EPM2A: variants seen among roughly 807,000 people sequenced by gnomAD.
EPM2A encodes laforin.
EPM2A carries 21 observed loss-of-function variants against 26.5 expected under a neutral mutation model. That is an observed-to-expected ratio of 0.79 (90% CI 0.56 to 1.14). EPM2A has a LOEUF of 1.14. EPM2A is among the 50% of genes most tolerant of loss of function. The probability of loss-of-function intolerance (pLI) is 0.00; values close to 1 mark genes in which losing one functional copy is unlikely to be tolerated. For synonymous variants in EPM2A, 217 were observed against 177.6 expected (o/e 1.22, Z -1.76); for missense variants, 458 against 440.8 (o/e 1.04, Z -0.35).
chr6:145,713,808 T>C (rs1474900742), intron 1 of EPM2A, among the ~76,000 whole-genome samples: 1 of 152,208 alleles, frequency 6.6e-6, no homozygotes, highest in Non-Finnish European at 1.5e-5. Context: ...GCACCATTAT[T>C]TTAAAAGTGA....
chr6:145,487,616 T>C (rs1481326547), intron 4 of EPM2A, among the ~76,000 whole-genome samples: 1 of 152,238 alleles, frequency 6.6e-6, no homozygotes, highest in Non-Finnish European at 1.5e-5. Context: ...TCTTTTAATA[T>C]GCTTCTTGGT....
chr6:145,408,566 T>C (rs925945012), intron 4 of EPM2A, among the ~76,000 whole-genome samples: 30 of 152,158 alleles, frequency 2.0e-4, no homozygotes, highest in African/African-American at 5.8e-4. Flanking sequence ...TTCTCCTCAA[T>C]GACCCACTTA....
intron 2 of EPM2A, among the ~76,000 whole-genome samples, chr6:145,544,239 T>C (rs1780552535): frequency 6.6e-6 from 1 of 152,170 alleles, no homozygotes; most frequent in African/African-American, 2.4e-5. Context: ...TGCTCACAGA[T>C]TGCTAAGCCG....
At chr6:145,571,223 G>A (rs1019985200) in intron 2 of EPM2A, among the ~76,000 whole-genome samples, 2 of 152,084 alleles carry the variant, frequency 1.3e-5, no homozygotes, top group African/African-American at 4.8e-5. Context: ...GAGCATACAC[G>A]GCCTCCTGGA....
intron 4 of EPM2A, among the ~76,000 whole-genome samples, chr6:145,473,056 A>G (rs1011940157): frequency 6.6e-6 from 1 of 152,124 alleles, no homozygotes; most frequent in African/African-American, 2.4e-5. Flanking sequence ...AATGAACCAA[A>G]TAAGCACAAG....
intron 1 of EPM2A, among the ~76,000 whole-genome samples, chr6:145,725,686 T>G (rs966300256): frequency 1.3e-5 from 2 of 152,076 alleles, no homozygotes; most frequent in Non-Finnish European, 2.9e-5. Context: ...CACTGTACGA[T>G]TCTAATTATT....
At chr6:145,530,316 T>C (rs1468305951) in intron 2 of EPM2A, among the ~76,000 whole-genome samples, 1 of 152,198 alleles carries the variant, frequency 6.6e-6, no homozygotes, top group Non-Finnish European at 1.5e-5. Context: ...GATGAGAGGG[T>C]AATTGAATTT....
At chr6:145,413,136 T>A (rs1017081686) in intron 4 of EPM2A, among the ~76,000 whole-genome samples, 2 of 152,204 alleles carry the variant, frequency 1.3e-5, no homozygotes, top group African/African-American at 4.8e-5. Context: ...GGAAAAACAA[T>A]TTTCATTTTG....
intron 2 of EPM2A, among the ~76,000 whole-genome samples, chr6:145,551,011 G>A (rs12526956): frequency 0.081 from 12,271 of 151,980 alleles, 580 homozygotes; most frequent in East Asian, 0.17. Context: ...ACTGTACAGC[G>A]AATAAGGTCT....
intron 2 of EPM2A, among the ~76,000 whole-genome samples, chr6:145,654,867 G>T (rs1262716863): frequency 7.2e-5 from 11 of 152,038 alleles, no homozygotes; most frequent in African/African-American, 2.7e-4. Flanking sequence ...TGTGTTTCTA[G>T]ATTCTCTTAC....
chr6:145,410,480 T>C (rs1219774297), intron 4 of EPM2A, among the ~76,000 whole-genome samples: 3 of 152,162 alleles, frequency 2.0e-5, no homozygotes, highest in Admixed American at 1.3e-4. Flanking sequence ...TGTAAGACAA[T>C]TAAAATAAGG....
At chr6:145,648,881 T>C (rs1582964349) in intron 2 of EPM2A, among the ~76,000 whole-genome samples, 2 of 152,358 alleles carry the variant, frequency 1.3e-5, no homozygotes, top group African/African-American at 4.8e-5. Flanking sequence ...TGTATTTATT[T>C]ACCTCATTGA....
At chr6:145,724,180 C>G (rs1776084043) in intron 1 of EPM2A, among the ~76,000 whole-genome samples, 1 of 152,022 alleles carries the variant, frequency 6.6e-6, no homozygotes, top group African/African-American at 2.4e-5. Flanking sequence ...CCACAAGTAA[C>G]TTAACTGTCA....
At chr6:145,405,366 G>A (rs182043706) in intron 4 of EPM2A, among the ~76,000 whole-genome samples, 3 of 152,050 alleles carry the variant, frequency 2.0e-5, no homozygotes, top group East Asian at 1.9e-4. Context: ...TGTGGCTGCC[G>A]GTTACGTCAT....
intron 4 of EPM2A, chr6:145,490,096 A>C: frequency 1.6e-6 from 2 of 1,255,776 alleles, no homozygotes; most frequent in African/African-American, 1.5e-5. Flanking sequence ...GCACCTTCCC[A>C]ATTTGTTATA....
chr6:145,656,441 T>C (rs1353113378), intron 2 of EPM2A, among the ~76,000 whole-genome samples: 1 of 152,200 alleles, frequency 6.6e-6, no homozygotes, highest in Non-Finnish European at 1.5e-5. Flanking sequence ...TAGACCCTAG[T>C]GGGCCCTGAA....
intron 1 of EPM2A, among the ~76,000 whole-genome samples, chr6:145,711,611 T>G (rs1468200288): frequency 1.3e-5 from 2 of 152,108 alleles, no homozygotes; most frequent in African/African-American, 4.8e-5. Flanking sequence ...AATGATGTCA[T>G]GAAAGAGCTC....
chr6:145,428,560 A>G (rs1248081691), intron 4 of EPM2A, among the ~76,000 whole-genome samples: 1 of 152,238 alleles, frequency 6.6e-6, no homozygotes, highest in African/African-American at 2.4e-5. Flanking sequence ...AAAAGGATAC[A>G]ATTATCCATA....
chr6:145,502,014 C>T (rs1050416212), intron 3 of EPM2A, among the ~76,000 whole-genome samples: 1 of 152,168 alleles, frequency 6.6e-6, no homozygotes, highest in African/African-American at 2.4e-5. Flanking sequence ...CAGCTAACCT[C>T]TAAACTCTTG....
Sources: allele counts gnomAD v4.1 joint callset (sites outside exome capture counted in the v4.1 genomes callset), GRCh38; gene constraint gnomAD v4.1.1; transcripts MANE v1.5; gene names NCBI Gene and HGNC (gene_info 2026-07-23, HGNC 2026-07-21).